Variants in STAU2 observed in about 807,000 individuals in gnomAD.
The protein encoded by STAU2 is double-stranded RNA-binding protein Staufen homolog 2.
In STAU2, 20 loss-of-function variants were observed where a neutral mutation model predicts 65.9. The ratio of observed to expected loss-of-function variants is 0.30; its 90% CI spans 0.21 to 0.44. The LOEUF (loss-of-function observed/expected upper bound fraction) is 0.44, where lower values mean the gene tolerates loss of function less well. Ranked by LOEUF, STAU2 falls within the 20% of genes least tolerant of loss-of-function variation. The pLI, the probability that STAU2 is intolerant of heterozygous loss-of-function variation, is 1.00. For missense variants in STAU2, 558 were observed against 683.9 expected, an observed-to-expected ratio of 0.82 and a Z score of 2.05; for synonymous variants, 232 against 233.9, an observed-to-expected ratio of 0.99 and a Z score of 0.07.
At chr8:73,544,937 C>G (rs1333782547) in intron 13 of STAU2, among the ~76,000 whole-genome samples, 1 of 152,098 alleles carries the variant, frequency 6.6e-6, no homozygotes, top group East Asian at 1.9e-4. Context: ...ACCATAACTC[C>G]CCGAGTCCAA....
At chr8:73,646,834 T>C (rs759420190) in intron 6 of STAU2, among the ~76,000 whole-genome samples, 3 of 151,882 alleles carry the variant, frequency 2.0e-5, no homozygotes, top group Admixed American at 6.6e-5. Flanking sequence ...AAAGGATTTA[T>C]ATCTAAAATA....
At position 73,578,230 on chromosome 8, in the gene STAU2, A is replaced by C. The variant is rs575857922; in HGVS notation, c.1222+4540T>G. On this transcript the variant is annotated intron_variant, in intron 12 of 14. Transcript: ENST00000524300. Reference sequence around the variant, plus strand: ...TAAATTCATTAAATCTTTCCGGAGAATATTGCAGAAAAACATGTTATCTGT... The same window carrying C: ...TAAATTCATTAAATCTTTCCGGAGACTATTGCAGAAAAACATGTTATCTGT... Among the ~76,000 whole-genome samples the C allele has an allele frequency of 1.1e-4, 16 of 152,338 alleles. No individual in the cohort carries two copies. In the South Asian group the frequency reaches 2.7e-3, roughly 26 times the overall value.
chr8:73,703,058 A>G (rs1319561905), intron 4 of STAU2, among the ~76,000 whole-genome samples: 1 of 152,232 alleles, frequency 6.6e-6, no homozygotes, highest in Admixed American at 6.5e-5. Flanking sequence ...TAGAGAAAAT[A>G]AAATAGAGAA....
chr8:73,668,159 CCTT>C (rs1399969039), intron 6 of STAU2, among the ~76,000 whole-genome samples: 1 of 152,096 alleles, frequency 6.6e-6, no homozygotes, highest in East Asian at 1.9e-4. Context: ...AAAAACTTCA[CCTT>C]CTTCACTACA....
At chr8:73,458,935 G>A (rs1819208812) in intron 13 of STAU2, 1 of 152,104 alleles carries the variant, frequency 6.6e-6, no homozygotes, top group Admixed American at 6.5e-5. Context: ...CAGGGAACAG[G>A]GCCACACTAG....
chr8:73,534,969 G>A (rs1806084616), intron 13 of STAU2, among the ~76,000 whole-genome samples: 2 of 152,124 alleles, frequency 1.3e-5, no homozygotes, highest in Admixed American at 6.5e-5. Flanking sequence ...AAAATCCTAT[G>A]TTTTAGATAA....
At chr8:73,635,108 G>C (rs1421985563) in intron 6 of STAU2, among the ~76,000 whole-genome samples, 4 of 152,156 alleles carry the variant, frequency 2.6e-5, no homozygotes, top group Admixed American at 6.5e-5. Flanking sequence ...AAATGTCCAT[G>C]AATACAGGAC....
intron 12 of STAU2, among the ~76,000 whole-genome samples, chr8:73,554,626 T>C (rs1044446541): frequency 6.6e-6 from 1 of 152,230 alleles, no homozygotes; most frequent in African/African-American, 2.4e-5. Context: ...TCACCCGGCA[T>C]ACAGGAGCCT....
chr8:73,655,295 C>CT (rs1186527612), intron 6 of STAU2, among the ~76,000 whole-genome samples: 1 of 152,168 alleles, frequency 6.6e-6, no homozygotes. Context: ...TTATGTCACT[C>CT]TTTTAAGTGT....
intron 13 of STAU2, among the ~76,000 whole-genome samples, chr8:73,487,721 T>C (rs189340718): frequency 1.3e-5 from 2 of 152,210 alleles, no homozygotes; most frequent in Admixed American, 6.5e-5. Context: ...TGTTGAACAA[T>C]GGTTCAAATA....
intron 13 of STAU2, among the ~76,000 whole-genome samples, chr8:73,478,617 C>T (rs561142938): frequency 2.0e-5 from 3 of 152,234 alleles, no homozygotes; most frequent in East Asian, 1.9e-4. Context: ...ATTCACAAAA[C>T]GGTTTATGTT....
At chr8:73,617,558 T>C (rs1294606858) in intron 6 of STAU2, 107 bp from the exon 7 acceptor site, 1 of 1,115,364 alleles carries the variant, frequency 9.0e-7, no homozygotes, top group Non-Finnish European at 1.3e-6. Flanking sequence ...GCTATACTCT[T>C]AATAAAACTT....
intron 12 of STAU2, among the ~76,000 whole-genome samples, chr8:73,558,954 T>C (rs1374978331): frequency 6.6e-6 from 1 of 152,192 alleles, no homozygotes; most frequent in Admixed American, 6.5e-5. Flanking sequence ...TAAAAAATTA[T>C]AATTAAAAAT....
intron 13 of STAU2, among the ~76,000 whole-genome samples, chr8:73,463,463 A>C (rs1443574809): frequency 6.6e-6 from 1 of 152,246 alleles, no homozygotes; most frequent in Non-Finnish European, 1.5e-5. Context: ...ATACTGCTTC[A>C]TAAGAAAGAC....
At chr8:73,434,728 T>A (rs920941338) in intron 13 of STAU2, among the ~76,000 whole-genome samples, 1 of 151,854 alleles carries the variant, frequency 6.6e-6, no homozygotes, top group Non-Finnish European at 1.5e-5. Context: ...GAGTCCAACA[T>A]CCAGTCATGA....
intron 13 of STAU2, among the ~76,000 whole-genome samples, chr8:73,435,098 C>T (rs1353621230): frequency 1.3e-5 from 2 of 151,792 alleles, no homozygotes; most frequent in African/African-American, 4.9e-5. Flanking sequence ...TGGAGATGCC[C>T]CCCCTGGACC....
At chr8:73,563,866 A>T (rs1808408424) in intron 12 of STAU2, among the ~76,000 whole-genome samples, 1 of 152,194 alleles carries the variant, frequency 6.6e-6, no homozygotes, top group African/African-American at 2.4e-5. Flanking sequence ...GTAGAACAGG[A>T]AGTCCCAGCC....
chr8:73,528,178 C>G (rs898316995), intron 13 of STAU2, among the ~76,000 whole-genome samples: 3 of 152,144 alleles, frequency 2.0e-5, no homozygotes, highest in Non-Finnish European at 2.9e-5. Context: ...TGAATTTTCT[C>G]TCTTCTTTGA....
chr8:73,681,576 A>G (rs945791420), intron 5 of STAU2, among the ~76,000 whole-genome samples: 2 of 152,174 alleles, frequency 1.3e-5, no homozygotes, highest in African/African-American at 4.8e-5. Context: ...AACAGACAAA[A>G]GGTATTGGGG....
Sources: gnomAD v4.1 joint callset for allele counts (sites outside exome capture counted in the v4.1 genomes callset) on GRCh38, gnomAD v4.1.1 for gene constraint, MANE v1.5 for transcripts, NCBI Gene and HGNC (gene_info 2026-07-23, HGNC 2026-07-21) for gene names.